Variants in NCOR2 observed in about 807,000 individuals in gnomAD.
The protein encoded by NCOR2 is nuclear receptor corepressor 2.
NCOR2 carries 81 observed loss-of-function variants against 262.9 expected under a neutral mutation model. That is an observed-to-expected ratio of 0.31 (90% CI 0.26 to 0.37). The LOEUF is 0.37. Ranked by LOEUF, NCOR2 falls within the 10% of genes least tolerant of loss-of-function variation. NCOR2 has a pLI of 1.00. For synonymous variants in NCOR2, 1,659 were observed against 1,559.3 expected, an observed-to-expected ratio of 1.06 and a Z score of -1.51; for missense variants, 3,385 against 3,621.4, an observed-to-expected ratio of 0.93 and a Z score of 1.68.
chr12:124,371,031 C>G (rs78717929), intron 20 of NCOR2, among the ~76,000 whole-genome samples: 18,202 of 152,220 alleles, frequency 0.12, 1,294 homozygotes, highest in Non-Finnish European at 0.14. Context: ...AGCCCCAGGG[C>G]ACTTGCAGCT....
At chr12:124,451,571 T>TTCTG (rs35303532) in intron 6 of NCOR2, among the ~76,000 whole-genome samples, 52,861 of 151,408 alleles carry the variant, frequency 0.35, 9,330 homozygotes, top group East Asian at 0.4. Context: ...GTGTATGTCT[T>TTCTG]TCTGTCTGTC....
intron 1 of NCOR2, among the ~76,000 whole-genome samples, chr12:124,511,359 G>A (rs1054755665): frequency 2.0e-5 from 3 of 152,338 alleles, no homozygotes; most frequent in Admixed American, 6.5e-5. Context: ...CTGTAAGGCC[G>A]TCAGTGCCAC....
At chr12:124,545,075 GCA>G (rs1195423164) in intron 1 of NCOR2, among the ~76,000 whole-genome samples, 1 of 152,116 alleles carries the variant, frequency 6.6e-6, no homozygotes, top group African/African-American at 2.4e-5. Flanking sequence ...CTGGCACCCA[GCA>G]GTGCTCAGTT....
intron 17 of NCOR2, among the ~76,000 whole-genome samples, chr12:124,381,964 C>T (rs1041442170): frequency 3.3e-5 from 5 of 152,202 alleles, no homozygotes; most frequent in Admixed American, 1.3e-4. Flanking sequence ...CTGCTGACGT[C>T]GCCTGCGGCC....
exon 47 of NCOR2, chr12:124,325,275 T>TG: frequency 1.9e-6 from 1 of 534,096 alleles, no homozygotes; most frequent in East Asian, 3.5e-5. Context: ...GACAGATGGA[T>TG]GGAGGCGCAG....
intron 1 of NCOR2, among the ~76,000 whole-genome samples, chr12:124,547,146 C>T (rs1454917108): frequency 2.6e-5 from 4 of 152,144 alleles, no homozygotes; most frequent in East Asian, 1.9e-4. Flanking sequence ...CTCGCCACCA[C>T]GACTGGCTAC....
rs935130692 is a variant in NCOR2, at chr12:124,531,394, G to A, written c.-118+4171C>T. Among the ~76,000 whole-genome samples, 1 of 152,142 alleles carries A rather than the reference G, an allele frequency of 6.6e-6. No individual in the cohort carries two copies. The highest frequency in any genetic ancestry group is 2.4e-5 in the African/African-American group (1 of 41,424). ...CCCCGGGCCCGATTAGCGGGCGGCC[G>A]CAGGCAGACACGCTCAACTGTCAGC... On this transcript the variant is annotated intron_variant, in intron 1 of 46. Transcript: ENST00000404621. The surrounding 1 kb of genome is among the most constrained non-coding windows in gnomAD (Gnocchi z 4.5).
upstream of NCOR2, among the ~76,000 whole-genome samples, chr12:124,540,076 C>A (rs1294109519): frequency 1.3e-5 from 2 of 152,034 alleles, no homozygotes; most frequent in Non-Finnish European, 1.5e-5. Context: ...TGACTGCGAA[C>A]ACAAAAGCTG....
At chr12:124,442,911 C>A (rs2044905996) in intron 7 of NCOR2, among the ~76,000 whole-genome samples, 1 of 152,152 alleles carries the variant, frequency 6.6e-6, no homozygotes, top group South Asian at 2.1e-4. Flanking sequence ...CGCGAACAGA[C>A]ACGGGAAGAA....
Position 124,336,741 on chromosome 12 carries a change from G to A in NCOR2, c.6115+12C>T. 6.2e-7 allele frequency: 1 copy of A among 1,612,258 alleles called. No individual in the cohort carries two copies. The highest frequency in any genetic ancestry group is 2.2e-5 in the East Asian group (1 of 44,786). On this transcript the variant is annotated intron_variant, in intron 38 of 46. Transcript: ENST00000405201. ...GCGTCTATGAAGGTGGCCGCTGTCAGGGTGGTCTTACCCAGAGAACGGAGT... is the reference window on the plus strand; with the variant it reads ...GCGTCTATGAAGGTGGCCGCTGTCAAGGTGGTCTTACCCAGAGAACGGAGT...
At chr12:124,529,156 A>C (rs1339407113) in intron 1 of NCOR2, among the ~76,000 whole-genome samples, 1 of 98,978 alleles carries the variant, frequency 1.0e-5, no homozygotes, top group South Asian at 3.5e-4. Context: ...TCCAGCCTGC[A>C]CGATAAGAGC....
intron 20 of NCOR2, among the ~76,000 whole-genome samples, chr12:124,367,473 C>T (rs946002553): frequency 1.3e-5 from 2 of 152,134 alleles, no homozygotes; most frequent in Non-Finnish European, 2.9e-5. Context: ...CCAGAGGGAG[C>T]GGCCACCAAT....
upstream of NCOR2, among the ~76,000 whole-genome samples, chr12:124,540,472 G>A (rs1211300540): frequency 3.3e-5 from 1 of 29,894 alleles, no homozygotes. Flanking sequence ...TGGAGAGCTG[G>A]AGGGGGATGG....
chr12:124,444,123 T>C (rs2044996997), intron 7 of NCOR2, among the ~76,000 whole-genome samples: 1 of 151,876 alleles, frequency 6.6e-6, no homozygotes, highest in African/African-American at 2.4e-5. Context: ...TTTTTTTAAG[T>C]GTTTATTTTG....
At chr12:124,394,535 G>A (rs1200609391) in intron 16 of NCOR2, among the ~76,000 whole-genome samples, 2 of 152,232 alleles carry the variant, frequency 1.3e-5, no homozygotes, top group Non-Finnish European at 2.9e-5. Flanking sequence ...GTCAACGTGG[G>A]GTCATACTGG....
intron 1 of NCOR2, chr12:124,562,049 G>C (rs915882467): frequency 6.6e-6 from 1 of 152,220 alleles, no homozygotes; most frequent in East Asian, 1.9e-4. Context: ...GGGGCATTGG[G>C]GAAGGAATCA....
intron 13 of NCOR2, among the ~76,000 whole-genome samples, chr12:124,416,582 G>A (rs1454829356): frequency 1.4e-5 from 2 of 145,946 alleles, no homozygotes; most frequent in African/African-American, 2.6e-5. Flanking sequence ...CCGCGGCACA[G>A]GGAGTCCCCG....
intron 1 of NCOR2, among the ~76,000 whole-genome samples, chr12:124,565,572 G>A (rs2052212124): frequency 2.0e-5 from 3 of 149,662 alleles, no homozygotes; most frequent in South Asian, 4.2e-4. Flanking sequence ...CCAGCCAAAG[G>A]TAAGGTGGCC....
chr12:124,553,534 T>G (rs2051782104), intron 1 of NCOR2, among the ~76,000 whole-genome samples: 1 of 152,164 alleles, frequency 6.6e-6, no homozygotes, highest in Non-Finnish European at 1.5e-5. Context: ...CTACACAGCA[T>G]GGGTGAGCAT....
Sources: gnomAD v4.1 joint callset for allele counts (sites outside exome capture counted in the v4.1 genomes callset) on GRCh38, gnomAD v4.1.1 for gene constraint, Gnocchi (gnomAD v3.1) non-coding constraint, MANE v1.5 for transcripts, NCBI Gene and HGNC (gene_info 2026-07-23, HGNC 2026-07-21) for gene names.